The following TNIP1 variants were observed in gnomAD, a reference collection of about 807,000 sequenced individuals.
The protein encoded by TNIP1 is TNFAIP3-interacting protein 1.
Under a neutral mutation model 86.6 loss-of-function variants are expected in TNIP1, and 22 were observed. That is an observed-to-expected ratio of 0.25 (90% CI 0.18 to 0.36). The LOEUF is 0.36. Among genes scored for constraint, TNIP1 ranks in the 10% least tolerant of loss-of-function variants. TNIP1 has a pLI of 1.00. For missense variants in TNIP1, 709 were observed against 820.6 expected, an observed-to-expected ratio of 0.86 and a Z score of 1.66; for synonymous variants, 294 against 313.0, an observed-to-expected ratio of 0.94 and a Z score of 0.64.
intron 9 of TNIP1, among the ~76,000 whole-genome samples, chr5:151,045,380 G>T (rs189440140): frequency 2.0e-5 from 3 of 152,104 alleles, no homozygotes; most frequent in African/African-American, 7.3e-5. Flanking sequence ...ATGAGCCACC[G>T]CACCCAGCCA....
rs146496245 is a variant in TNIP1 at position 151,043,905 on chromosome 5, A to C, written c.937-944T>G. 5.5e-3 allele frequency among the ~76,000 whole-genome samples: 844 copies of C among 152,320 alleles called. 8 individuals are homozygous for C. The highest frequency in any genetic ancestry group is 0.019 in the African/African-American group (796 of 41,562). On this transcript the variant is annotated intron_variant, in intron 9 of 17. Transcript: ENST00000521591. ...CCTCAGGGAAGAAAAACAACCCTAC[A>C]TCATCAACTAAATAAAACAAAAGGA... is the stretch of plus-strand genomic sequence containing the variant.
At position 151,064,995 on chromosome 5, in the gene TNIP1, C is replaced by T. The variant is rs375664954; in HGVS notation, c.101G>A (p.Arg34Gln). The T allele has an allele frequency of 2.6e-5, 42 of 1,614,050 alleles. No individual in the cohort carries two copies. In the African/African-American group the frequency reaches 4.1e-4, roughly 16 times the overall value. ...AFERLVKENS[R>Q]LKEKMQGIKM... ...TATCCCTTGCATTTTTTCCTTCAGC[C>T]GGGAATTCTCCTTCACTAGGCGCTC... The change falls in exon 2 of 18, where the codon CGG (arginine) becomes CAG (glutamine). Residue 34 changes from arginine to glutamine, a missense_variant. Arg to Gln is a conservative substitution (Grantham distance 43). Transcript: ENST00000521591.
chr5:151,080,250 T>C (rs1057499316), intron 1 of TNIP1: 1 of 152,202 alleles, frequency 6.6e-6, no homozygotes, highest in African/African-American at 2.4e-5. Flanking sequence ...GCATACAAAA[T>C]ATGTTCAACA....
chr5:151,033,930 A>G, intron 15 of TNIP1, 131 bp from the exon 16 acceptor site: 1 of 749,096 alleles, frequency 1.3e-6, no homozygotes, highest in Middle Eastern at 4.0e-4. Context: ...GTATGTGGTC[A>G]TGAAAGGCTG....
intron 11 of TNIP1, among the ~76,000 whole-genome samples, chr5:151,042,300 G>A (rs1273729887): frequency 6.6e-6 from 1 of 152,078 alleles, no homozygotes; most frequent in Non-Finnish European, 1.5e-5. Context: ...AATTTTAATG[G>A]AACAAAAAGT....
rs1756707387 is a variant in TNIP1, at chr5:151,030,030, G to T, written c.*683C>A. The T allele has an allele frequency of 2.2e-6, 1 of 455,750 alleles. No individual in the cohort carries two copies. Among genetic ancestry groups the T allele is most frequent in the Non-Finnish European group, 4.4e-6 (1 of 226,156 alleles). 28.2% of individuals were successfully genotyped at this position (455,750 alleles called of 1,614,324 possible). On this transcript the variant is annotated 3_prime_UTR_variant, in exon 18 of 18. Transcript: ENST00000521591. ...ACAGCCACCCTAATCTGGGCTTCTG[G>T]CACCACAGGCCTCCAGCTATGGGGT...
At chr5:151,047,986 G>C (rs1288336232) in intron 8 of TNIP1, among the ~76,000 whole-genome samples, 1 of 152,220 alleles carries the variant, frequency 6.6e-6, no homozygotes, top group Non-Finnish European at 1.5e-5. Flanking sequence ...AGTGGCTTCA[G>C]GTAGGGCTGG....
In TNIP1 at chr5:151,042,969, G is replaced by A; in HGVS notation, c.937-8C>T. 1 of 1,614,114 alleles carries A rather than the reference G, an allele frequency of 6.2e-7. No individual in the cohort carries two copies. The highest frequency in any genetic ancestry group is 1.1e-5 in the South Asian group (1 of 91,064). On this transcript the variant is annotated splice_polypyrimidine_tract_variant and splice_region_variant and intron_variant, in intron 9 of 17. Transcript: ENST00000521591. ...CTTGTTCACTTCCAGCAGCTGTGGG[G>A]AGAGACTGGAGTTAGCAGGAGATGA...
At chr5:151,079,710 G>A (rs1763790786) in intron 1 of TNIP1, among the ~76,000 whole-genome samples, 1 of 152,024 alleles carries the variant, frequency 6.6e-6, no homozygotes, top group South Asian at 2.1e-4. Context: ...TTTTTTCACT[G>A]CCTCAGTTTC....
chr5:151,058,201 G>GT (rs1183744282), intron 5 of TNIP1, among the ~76,000 whole-genome samples: 2 of 152,172 alleles, frequency 1.3e-5, no homozygotes, highest in Non-Finnish European at 2.9e-5. Flanking sequence ...GATTACAGGC[G>GT]TAAGCCACCA....
At chr5:151,033,148 A>C (rs1167277363) in intron 16 of TNIP1, among the ~76,000 whole-genome samples, 1 of 127,724 alleles carries the variant, frequency 7.8e-6, no homozygotes, top group Non-Finnish European at 1.7e-5. Flanking sequence ...AAAAAAAAGG[A>C]AAAGAAAATA....
At chr5:151,034,543 G>A (rs1757439042) in intron 15 of TNIP1, 2 of 293,612 alleles carry the variant, frequency 6.8e-6, no homozygotes, top group African/African-American at 2.5e-5. Context: ...GGGCACATGG[G>A]CACGGAAGGC....
intron 1 of TNIP1, 46 bp from the exon 2 acceptor site, chr5:151,065,177 G>C: frequency 6.5e-7 from 1 of 1,532,112 alleles, no homozygotes; most frequent in Non-Finnish European, 8.8e-7. Flanking sequence ...CAGGCCATGG[G>C]GGCATCCTTT....
intron 5 of TNIP1, among the ~76,000 whole-genome samples, chr5:151,059,395 G>A (rs970648540): frequency 6.6e-6 from 1 of 152,226 alleles, no homozygotes; most frequent in South Asian, 2.1e-4. Flanking sequence ...CTGAAGGCAT[G>A]CTAGTTAGCC....
chr5:151,080,000 G>C (rs1434109488), intron 1 of TNIP1: 1 of 152,200 alleles, frequency 6.6e-6, no homozygotes, highest in Non-Finnish European at 1.5e-5. Context: ...AGGGGGTGGG[G>C]AAGGACGTTG....
rs554355087 is a variant in TNIP1 at position 151,067,922 on chromosome 5, G to A, written c.-36-2791C>T. On this transcript the variant is annotated intron_variant, in intron 1 of 17. Coordinates refer to ENST00000521591, the MANE Select transcript of TNIP1 (RefSeq NM_006058.5). ...CCTCAGAGAGGCCCAGATGTAAGGC[G>A]AAGGGACAAAGCAGGATGCAGGATG... Among the ~76,000 whole-genome samples the A allele has an allele frequency of 8.5e-5, 13 of 152,298 alleles. No homozygotes were observed. The East Asian group carries it at 1.5e-3, about 18-fold the overall frequency.
upstream of TNIP1, among the ~76,000 whole-genome samples, chr5:151,083,229 G>A (rs1014505642): frequency 1.2e-4 from 19 of 152,322 alleles, no homozygotes; most frequent in African/African-American, 4.1e-4. Flanking sequence ...GAAAATGGGG[G>A]ATAATATACC....
At chr5:151,031,738 G>A (rs959455446) in intron 17 of TNIP1, among the ~76,000 whole-genome samples, 16 of 151,970 alleles carry the variant, frequency 1.1e-4, no homozygotes, top group African/African-American at 3.9e-4. Flanking sequence ...TCTTCCCTCC[G>A]ATCCTCAAAT....
chr5:151,043,761 G>C (rs1261060798), intron 9 of TNIP1, among the ~76,000 whole-genome samples: 1 of 150,382 alleles, frequency 6.6e-6, no homozygotes, highest in Admixed American at 6.6e-5. Context: ...GGCAACCAAA[G>C]TGAGACCCTA....
Sources: allele counts gnomAD v4.1 joint callset (sites outside exome capture counted in the v4.1 genomes callset), GRCh38; gene constraint gnomAD v4.1.1; transcripts MANE v1.5; gene names NCBI Gene and HGNC (gene_info 2026-07-23, HGNC 2026-07-21).